LDB2: variants seen among roughly 807,000 people sequenced by gnomAD.
The protein encoded by LDB2 is LIM domain binding 2, also known as LIM domain-binding protein 2.
Under a neutral mutation model 44.3 loss-of-function variants are expected in LDB2, and 12 were observed. The observed-to-expected ratio is 0.27, with a 90% CI of 0.17 to 0.44. The LOEUF (loss-of-function observed/expected upper bound fraction) is 0.44. LDB2 is among the 20% of genes least tolerant of loss of function. The pLI, the probability that LDB2 is intolerant of heterozygous loss-of-function variation, is 1.00. For missense variants in LDB2, 344 were observed against 473.5 expected (o/e 0.73, Z 2.54); for synonymous variants, 164 against 174.8 (o/e 0.94, Z 0.49).
intron 5 of LDB2, among the ~76,000 whole-genome samples, chr4:16,579,545 C>T (rs1467436219): frequency 1.2e-4 from 19 of 152,096 alleles, no homozygotes; most frequent in Admixed American, 1.2e-3. Context: ...AAAAATTTAA[C>T]ATCGGGAGCT....
intron 2 of LDB2, among the ~76,000 whole-genome samples, chr4:16,720,591 T>C (rs1464691091): frequency 6.6e-6 from 1 of 152,154 alleles, no homozygotes; most frequent in Non-Finnish European, 1.5e-5. Flanking sequence ...TCTGGCATCA[T>C]GGCAACCATC....
rs562083586 is a variant in LDB2 at position 16,848,649 on chromosome 4, T to C, written c.132+49705A>G. Reference sequence around the variant, plus strand: ...CACTAAAACAAAAGAAATAACCTTCTCCCCATACTTTCTTTTAACTCCATC... The same window carrying C: ...CACTAAAACAAAAGAAATAACCTTCCCCCCATACTTTCTTTTAACTCCATC... On this transcript the variant is annotated intron_variant, in intron 1 of 7. Transcript: ENST00000304523. 3.3e-5 allele frequency among the ~76,000 whole-genome samples: 5 copies of C among 152,236 alleles called. No homozygotes were observed. The South Asian group carries it at 1.0e-3, about 32-fold the overall frequency.
chr4:16,789,302 T>C (rs1775185147), intron 1 of LDB2, among the ~76,000 whole-genome samples: 1 of 152,140 alleles, frequency 6.6e-6, no homozygotes, highest in Admixed American at 6.5e-5. Context: ...ATGACAAATA[T>C]TTATCAAAGG....
intron 1 of LDB2, 155 bp from the exon 2 acceptor site, chr4:16,759,415 T>C: frequency 1.7e-6 from 1 of 588,064 alleles, no homozygotes. Context: ...GGGCGGTCAC[T>C]CTTCAAATTA....
At chr4:16,631,914 T>A (rs1183527473) in intron 2 of LDB2, among the ~76,000 whole-genome samples, 1 of 152,170 alleles carries the variant, frequency 6.6e-6, no homozygotes, top group Admixed American at 6.5e-5. Flanking sequence ...AATAGACCAA[T>A]AACAAGTTCT....
intron 1 of LDB2, among the ~76,000 whole-genome samples, chr4:16,783,842 C>T (rs558801026): frequency 5.1e-4 from 77 of 152,158 alleles, no homozygotes; most frequent in Non-Finnish European, 7.8e-4. Context: ...CCTTTTCCCC[C>T]CTTTTGCCTT....
chr4:16,676,131 G>A (rs1258597576), intron 2 of LDB2, among the ~76,000 whole-genome samples: 4 of 152,204 alleles, frequency 2.6e-5, no homozygotes, highest in Admixed American at 2.6e-4. Context: ...TCCCACCGCA[G>A]GGCGTGGAGG....
At chr4:16,658,922 T>C (rs560764604) in intron 2 of LDB2, among the ~76,000 whole-genome samples, 1 of 152,316 alleles carries the variant, frequency 6.6e-6, no homozygotes, top group East Asian at 1.9e-4. Context: ...GCAGGAGATC[T>C]TTTTACTATA....
At position 16,673,017 on chromosome 4, in the gene LDB2, G is replaced by A. The variant is rs150045283; in HGVS notation, c.236-77142C>T. Among the ~76,000 whole-genome samples, 604 of 138,906 alleles carry A rather than the reference G, an allele frequency of 4.3e-3. 3 individuals carry two copies. The highest frequency in any genetic ancestry group is 6.3e-3 in the Admixed American group (81 of 12,832). The allele number at this position is 138,906 out of a possible 152,430, so 91.1% of individuals were successfully genotyped here. On this transcript the variant is annotated intron_variant, in intron 2 of 7. Transcript: ENST00000304523. The stretch of plus-strand genomic sequence containing the variant: ...TTCCTTTCTTTCTTCTTTCTCTCTC[G>A]TTCCTTCTCTCTTTCTTCCCCCCTT...
At chr4:16,897,834 G>T (rs1300275396) in intron 1 of LDB2, among the ~76,000 whole-genome samples, 6 of 147,968 alleles carry the variant, frequency 4.1e-5, no homozygotes, top group African/African-American at 1.0e-4. Context: ...CCTCGATTTT[G>T]GTGACTCTGA....
At chr4:16,555,043 G>T (rs1577654148) in intron 5 of LDB2, among the ~76,000 whole-genome samples, 2 of 151,946 alleles carry the variant, frequency 1.3e-5, no homozygotes, top group East Asian at 3.9e-4. Flanking sequence ...AGAAATCTCT[G>T]TACCTGCACA....
At chr4:16,792,937 T>G (rs1027531606) in intron 1 of LDB2, among the ~76,000 whole-genome samples, 17 of 152,226 alleles carry the variant, frequency 1.1e-4, no homozygotes, top group African/African-American at 4.1e-4. Flanking sequence ...TCTTGCTGTG[T>G]GATGTTGAGC....
At chr4:16,741,826 T>C (rs1411136334) in intron 2 of LDB2, among the ~76,000 whole-genome samples, 5 of 152,202 alleles carry the variant, frequency 3.3e-5, no homozygotes, top group Admixed American at 3.3e-4. Flanking sequence ...ATAATTAGTG[T>C]AAGCTTTACT....
intron 5 of LDB2, among the ~76,000 whole-genome samples, chr4:16,536,397 C>G (rs1439548363): frequency 6.6e-6 from 1 of 152,168 alleles, no homozygotes; most frequent in Non-Finnish European, 1.5e-5. Flanking sequence ...AAGTCACCTT[C>G]CTACACCTCG....
chr4:16,660,331 C>A (rs775421882), intron 2 of LDB2, among the ~76,000 whole-genome samples: 1 of 152,130 alleles, frequency 6.6e-6, no homozygotes, highest in Non-Finnish European at 1.5e-5. Flanking sequence ...GGGCCTTAGG[C>A]AAGGTTCACA....
At position 16,791,765 on chromosome 4, in the gene LDB2, G is replaced by A. The variant is rs76481749; in HGVS notation, c.133-32505C>T. Among the ~76,000 whole-genome samples, 248 of 152,110 alleles carry A rather than the reference G, an allele frequency of 1.6e-3. 2 individuals are homozygous for A. The highest frequency in any genetic ancestry group is 5.7e-3 in the African/African-American group (238 of 41,508). ...GTAAAGGAGGCTGGGAGGCTTGCAC[G>A]AAGAAACCAGCACTTTATTGAAGAT... On this transcript the variant is annotated intron_variant, in intron 1 of 7. Transcript: ENST00000304523.
At chr4:16,894,536 A>C (rs1164600635) in intron 1 of LDB2, among the ~76,000 whole-genome samples, 1 of 152,130 alleles carries the variant, frequency 6.6e-6, no homozygotes, top group African/African-American at 2.4e-5. Context: ...CAGAGAGGTG[A>C]GGTCCTGTTA....
intron 1 of LDB2, among the ~76,000 whole-genome samples, chr4:16,854,681 A>G (rs1467653967): frequency 6.7e-6 from 1 of 150,062 alleles, no homozygotes; most frequent in African/African-American, 2.4e-5. Flanking sequence ...TATGTTATAT[A>G]TAACTATTAC....
chr4:16,643,110 G>A (rs564712304), intron 2 of LDB2, among the ~76,000 whole-genome samples: 18 of 140,124 alleles, frequency 1.3e-4, no homozygotes, highest in Admixed American at 3.1e-4. Context: ...GCAGTAAGCT[G>A]TCTTCGTCTA....
Sources: gnomAD v4.1 joint callset for allele counts (sites outside exome capture counted in the v4.1 genomes callset) on GRCh38, gnomAD v4.1.1 for gene constraint, MANE v1.5 for transcripts, NCBI Gene and HGNC (gene_info 2026-07-23, HGNC 2026-07-21) for gene names.